Variants in PDE4D observed in about 807,000 individuals in gnomAD.
The protein encoded by PDE4D is phosphodiesterase 4D.
Under a neutral mutation model 87.4 loss-of-function variants are expected in PDE4D, and 24 were observed. The ratio of observed to expected loss-of-function variants is 0.27; its 90% CI spans 0.20 to 0.39. PDE4D has a LOEUF of 0.39. PDE4D is among the 10% of genes least tolerant of loss of function. The pLI, the probability that PDE4D is intolerant of heterozygous loss-of-function variation, is 1.00. For synonymous variants in PDE4D, 384 were observed against 383.2 expected (o/e 1.00, Z -0.02); for missense variants, 714 against 1,041.0 (o/e 0.69, Z 4.32).
intron 1 of PDE4D, among the ~76,000 whole-genome samples, chr5:59,629,682 C>T (rs1831330271): frequency 6.6e-6 from 1 of 152,130 alleles, no homozygotes. Context: ...TCTATAGCAG[C>T]CCTAGCCGAC....
chr5:60,425,907 T>A (rs1268256333), intron 1 of PDE4D, among the ~76,000 whole-genome samples: 2 of 152,178 alleles, frequency 1.3e-5, no homozygotes, highest in African/African-American at 2.4e-5. Flanking sequence ...AGAAGACATT[T>A]ATGCAGCCAA....
At chr5:59,347,370 T>C (rs1444501167) in intron 1 of PDE4D, among the ~76,000 whole-genome samples, 5 of 152,146 alleles carry the variant, frequency 3.3e-5, no homozygotes, top group South Asian at 2.1e-4. Flanking sequence ...TGGAAGCATA[T>C]TTATGGGTGC....
At chr5:59,672,954 C>T (rs1488603538) in intron 1 of PDE4D, among the ~76,000 whole-genome samples, 1 of 152,154 alleles carries the variant, frequency 6.6e-6, no homozygotes, top group Non-Finnish European at 1.5e-5. Context: ...GAAACAGCTA[C>T]ATCCATGTTT....
At chr5:59,032,564 C>T (rs537238998) in intron 6 of PDE4D, among the ~76,000 whole-genome samples, 2 of 152,116 alleles carry the variant, frequency 1.3e-5, no homozygotes, top group Non-Finnish European at 2.9e-5. Context: ...GGCGACAGAG[C>T]GAGACTCTGT....
At chr5:60,136,965 C>T (rs913071835) in intron 2 of PDE4D, among the ~76,000 whole-genome samples, 12 of 152,066 alleles carry the variant, frequency 7.9e-5, no homozygotes, top group Admixed American at 5.9e-4. Context: ...CTCCTCTCAC[C>T]CTCCTACCCT....
intron 5 of PDE4D, among the ~76,000 whole-genome samples, chr5:59,149,705 A>ATTTTTTTTTTTTTT: frequency 2.6e-5 from 1 of 38,874 alleles, no homozygotes. Flanking sequence ...TCTCTCCTCG[A>ATTTTTTTTTTTTTT]GTTTTTTTTT....
In PDE4D at chr5:58,971,940, T is replaced by C. The variant is rs1459870049; in HGVS notation, c.*2724A>G. 1 of 152,568 alleles carries C rather than the reference T, an allele frequency of 6.6e-6. No individual in the cohort carries two copies. The highest frequency in any genetic ancestry group is 2.4e-5 in the African/African-American group (1 of 41,442). 9.5% of individuals were successfully genotyped at this position (152,568 alleles called of 1,614,324 possible). On this transcript the variant is annotated 3_prime_UTR_variant, in exon 15 of 15. Transcript: ENST00000340635. ...TCCCTGTCTCTTGGATATTGAGCCT[T>C]TTCTGCAATTTGATTGTCCATTAGT...
rs1554136234 is a variant in PDE4D, at chr5:59,337,332, C to CT, written c.456-121365_456-121364insA. ...AAAGGCATTCATAAGTTCCCCCCCCCCCACCTTTTTTTTTTTTTTGACACG... is the reference window on the plus strand; with the variant it reads ...AAAGGCATTCATAAGTTCCCCCCCCCTCCACCTTTTTTTTTTTTTTGACACG... On this transcript the variant is annotated intron_variant, in intron 1 of 14. Coordinates refer to ENST00000340635, the MANE Select transcript of PDE4D (RefSeq NM_001104631.2). Among the ~76,000 whole-genome samples, 9 of 146,264 alleles carry CT rather than the reference C, an allele frequency of 6.2e-5. No homozygotes were observed. In the East Asian group the frequency reaches 8.0e-4, roughly 13 times the overall value.
intron 3 of PDE4D, among the ~76,000 whole-genome samples, chr5:59,965,502 G>T (rs1759937125): frequency 6.6e-6 from 1 of 152,048 alleles, no homozygotes; most frequent in Non-Finnish European, 1.5e-5. Context: ...TCTCCATTAA[G>T]GAAGGCACTA....
chr5:59,480,731 TA>T (rs1804109968), intron 1 of PDE4D, among the ~76,000 whole-genome samples: 1 of 152,196 alleles, frequency 6.6e-6, no homozygotes, highest in South Asian at 2.1e-4. Context: ...TTGATCCAAT[TA>T]ATAGGTTTCT....
chr5:59,747,620 T>A (rs1468518226), intron 1 of PDE4D, among the ~76,000 whole-genome samples: 3 of 152,174 alleles, frequency 2.0e-5, no homozygotes, highest in Non-Finnish European at 2.9e-5. Context: ...CTGTTCTCTG[T>A]CTTTACATTG....
At chr5:60,053,172 A>C (rs1770389023) in intron 2 of PDE4D, among the ~76,000 whole-genome samples, 1 of 152,210 alleles carries the variant, frequency 6.6e-6, no homozygotes, top group African/African-American at 2.4e-5. Flanking sequence ...CTTTCTTCAC[A>C]GAATTAGAAA....
chr5:59,363,753 A>G (rs1330990816), intron 1 of PDE4D, among the ~76,000 whole-genome samples: 1 of 152,158 alleles, frequency 6.6e-6, no homozygotes, highest in Non-Finnish European at 1.5e-5. Context: ...TCTTGTCTCC[A>G]TTGTGGCTGG....
chr5:59,197,586 T>C (rs1745746283), intron 2 of PDE4D, among the ~76,000 whole-genome samples: 2 of 152,220 alleles, frequency 1.3e-5, no homozygotes, highest in South Asian at 4.1e-4. Flanking sequence ...AAAACAGATC[T>C]TTTCAGACAT....
chr5:60,465,769 A>G (rs1747305283), intron 1 of PDE4D, among the ~76,000 whole-genome samples: 1 of 152,136 alleles, frequency 6.6e-6, no homozygotes, highest in South Asian at 2.1e-4. Flanking sequence ...AGCCTACCTA[A>G]ACATGCTCCA....
chr5:59,513,066 C>T lies in PDE4D; in HGVS notation c.456-297098G>A, dbSNP rs145884449. On this transcript the variant is annotated intron_variant, in intron 1 of 14. Coordinates refer to ENST00000340635, the MANE Select transcript of PDE4D (RefSeq NM_001104631.2). ...TAAATATGAAGGGCAAAATATTCAT[C>T]TTAAACCATGAGATAAAAATATAGA... Among the ~76,000 whole-genome samples, 512 of 152,178 alleles carry T rather than the reference C, an allele frequency of 3.4e-3. 1 individual carries two copies. The highest frequency in any genetic ancestry group is 0.012 in the African/African-American group (491 of 41,552).
chr5:59,009,392 C>G (rs903676965), intron 6 of PDE4D, among the ~76,000 whole-genome samples: 1 of 151,810 alleles, frequency 6.6e-6, no homozygotes, highest in Admixed American at 6.6e-5. Context: ...AAATGAAATA[C>G]TAAAAAGCAA....
intron 2 of PDE4D, among the ~76,000 whole-genome samples, chr5:60,005,669 T>C (rs918091967): frequency 1.3e-5 from 2 of 151,962 alleles, no homozygotes; most frequent in Non-Finnish European, 2.9e-5. Context: ...AAAAACAAAA[T>C]ATGCTTATCC....
chr5:60,362,661 C>T (rs886864731), intron 1 of PDE4D, among the ~76,000 whole-genome samples: 1 of 152,062 alleles, frequency 6.6e-6, no homozygotes, highest in Non-Finnish European at 1.5e-5. Context: ...AGTTTGAGAC[C>T]AGCCTGGGCC....
Sources: allele counts gnomAD v4.1 joint callset (sites outside exome capture counted in the v4.1 genomes callset), GRCh38; gene constraint gnomAD v4.1.1; transcripts MANE v1.5; gene names NCBI Gene and HGNC (gene_info 2026-07-23, HGNC 2026-07-21).